MCUB: variants seen among roughly 807,000 people sequenced by gnomAD.
MCUB encodes calcium uniporter regulatory subunit MCUb, mitochondrial.
MCUB carries 46 observed loss-of-function variants against 41.4 expected under a neutral mutation model. The ratio of observed to expected loss-of-function variants is 1.11; its 90% CI spans 0.88 to 1.42. The LOEUF (loss-of-function observed/expected upper bound fraction) is 1.42, where lower values mean the gene tolerates loss of function less well. Among genes scored for constraint, MCUB ranks in the 40% most tolerant of loss-of-function variants. MCUB has a pLI of 0.00. For missense variants in MCUB, 403 were observed against 404.9 expected, an observed-to-expected ratio of 1.00 and a Z score of 0.04; for synonymous variants, 148 against 148.2, an observed-to-expected ratio of 1.00 and a Z score of 0.01.
At chr4:109,663,016 G>T (rs1346488047) in intron 3 of MCUB, among the ~76,000 whole-genome samples, 1 of 152,270 alleles carries the variant, frequency 6.6e-6, no homozygotes, top group East Asian at 1.9e-4. Context: ...AGACACAGGT[G>T]CAGACTTGAT....
chr4:109,608,942 C>T (rs766000086), intron 1 of MCUB, among the ~76,000 whole-genome samples: 6 of 152,164 alleles, frequency 3.9e-5, no homozygotes, highest in East Asian at 1.9e-4. Context: ...AGCCTAGTAA[C>T]GCTGTGGTTC....
At chr4:109,627,921 A>G (rs1728396706) in intron 1 of MCUB, among the ~76,000 whole-genome samples, 1 of 151,990 alleles carries the variant, frequency 6.6e-6, no homozygotes, top group South Asian at 2.1e-4. Flanking sequence ...TCAGAAGAAA[A>G]AAAAAAAAAA....
At chr4:109,605,958 TTTTGTTTGTTTG>T (rs143489433) in intron 1 of MCUB, among the ~76,000 whole-genome samples, 5 of 151,004 alleles carry the variant, frequency 3.3e-5, no homozygotes, top group African/African-American at 4.9e-5. Flanking sequence ...GGGCCTGGGT[TTTTGTTTGTTTG>T]TTTGTTTGTT....
intron 4 of MCUB, among the ~76,000 whole-genome samples, chr4:109,664,601 AT>A (rs1729305219): frequency 6.6e-6 from 1 of 151,774 alleles, no homozygotes; most frequent in African/African-American, 2.4e-5. Context: ...ATTTTTTAAC[AT>A]TTTTTTAGGG....
At chr4:109,648,185 C>T (rs925256958) in intron 1 of MCUB, among the ~76,000 whole-genome samples, 3 of 151,906 alleles carry the variant, frequency 2.0e-5, no homozygotes, top group African/African-American at 7.3e-5. Flanking sequence ...CCTTCGTTAT[C>T]TGCTTTCAAA....
chr4:109,608,140 T>C (rs1727922385), intron 1 of MCUB, among the ~76,000 whole-genome samples: 1 of 152,200 alleles, frequency 6.6e-6, no homozygotes, highest in Admixed American at 6.5e-5. Context: ...TGAAGCTCAC[T>C]AATTCTCTGC....
intron 1 of MCUB, among the ~76,000 whole-genome samples, chr4:109,599,885 G>A (rs892665353): frequency 6.6e-6 from 1 of 152,040 alleles, no homozygotes; most frequent in Non-Finnish European, 1.5e-5. Flanking sequence ...GGTCAGGCTG[G>A]TCTCAGACTC....
At chr4:109,603,744 C>T (rs197208) in intron 1 of MCUB, among the ~76,000 whole-genome samples, 8 of 150,462 alleles carry the variant, frequency 5.3e-5, no homozygotes, top group African/African-American at 1.7e-4. Context: ...CCCCTCCGCC[C>T]GGCAGCTGCC....
intron 4 of MCUB, 26 bp downstream of exon 4, chr4:109,664,420 TAC>T: frequency 5.4e-5 from 45 of 832,182 alleles, no homozygotes; most frequent in South Asian, 3.2e-4. Flanking sequence ...ATCCAACTAT[TAC>T]TTTTTTTTTT....
At chr4:109,624,566 A>G (rs541041633) in intron 1 of MCUB, among the ~76,000 whole-genome samples, 9 of 152,310 alleles carry the variant, frequency 5.9e-5, no homozygotes, top group African/African-American at 1.9e-4. Flanking sequence ...GATGAAGAGG[A>G]TATTTATTAA....
At chr4:109,577,334 C>A (rs1727053823) in intron 1 of MCUB, among the ~76,000 whole-genome samples, 1 of 152,148 alleles carries the variant, frequency 6.6e-6, no homozygotes, top group African/African-American at 2.4e-5. Context: ...TTGAAGTCAG[C>A]ACTCCTTTTG....
At chr4:109,677,382 G>C (rs1458177172) in intron 4 of MCUB, among the ~76,000 whole-genome samples, 1 of 152,148 alleles carries the variant, frequency 6.6e-6, no homozygotes, top group East Asian at 1.9e-4. Context: ...TGAGACTTTG[G>C]AATTGGACTT....
chr4:109,591,781 C>T (rs1374519421), intron 1 of MCUB, among the ~76,000 whole-genome samples: 1 of 151,970 alleles, frequency 6.6e-6, no homozygotes, highest in African/African-American at 2.4e-5. Context: ...TCACTGCAAC[C>T]CCCACCTCCC....
In MCUB at chr4:109,580,941, A is replaced by G. The variant is rs1727157709; in HGVS notation, c.99+20505A>G. Among the ~76,000 whole-genome samples the G allele has an allele frequency of 2.6e-5, 4 of 152,208 alleles. No homozygotes were observed. The South Asian group carries it at 8.3e-4, about 31-fold the overall frequency. ...GGTAGGAAGAATCAATATCGTGAAA[A>G]TGGCCATACTGCCCAAGGTAATTTA... On this transcript the variant is annotated intron_variant, in intron 1 of 7. Coordinates refer to ENST00000394650, the MANE Select transcript of MCUB (RefSeq NM_017918.5).
At chr4:109,563,399 T>A (rs1244862873) in intron 1 of MCUB, among the ~76,000 whole-genome samples, 1 of 152,248 alleles carries the variant, frequency 6.6e-6, no homozygotes, top group African/African-American at 2.4e-5. Flanking sequence ...ATTGTTTTCA[T>A]CTTTTTAATT....
chr4:109,627,983 GAACATAT>G (rs1728398080), intron 1 of MCUB, among the ~76,000 whole-genome samples: 1 of 151,794 alleles, frequency 6.6e-6, no homozygotes, highest in African/African-American at 2.4e-5. Context: ...ATAAAAAAGG[GAACATAT>G]AACATATAAG....
chr4:109,638,426 AAAAC>A (rs1188542331), intron 1 of MCUB, among the ~76,000 whole-genome samples: 3 of 151,898 alleles, frequency 2.0e-5, no homozygotes, highest in Non-Finnish European at 4.4e-5. Context: ...AAAAAAAAAA[AAAAC>A]CATACATTAA....
At chr4:109,591,848 G>A (rs1400394037) in intron 1 of MCUB, among the ~76,000 whole-genome samples, 15 of 151,692 alleles carry the variant, frequency 9.9e-5, no homozygotes, top group East Asian at 4.0e-4. Context: ...ACAGGCATGC[G>A]CCACCACACC....
intron 1 of MCUB, among the ~76,000 whole-genome samples, chr4:109,586,708 G>A (rs1009657453): frequency 6.6e-6 from 1 of 151,748 alleles, no homozygotes; most frequent in African/African-American, 2.4e-5. Flanking sequence ...TAACAGTCAG[G>A]TCCCTCAGCT....
Sources: allele counts gnomAD v4.1 joint callset (sites outside exome capture counted in the v4.1 genomes callset), GRCh38; gene constraint gnomAD v4.1.1; transcripts MANE v1.5; gene names NCBI Gene and HGNC (gene_info 2026-07-23, HGNC 2026-07-21).